The following ASAP2 variants were observed in gnomAD, a reference collection of about 807,000 sequenced individuals.
The protein encoded by ASAP2 is arf-GAP with SH3 domain, ANK repeat and PH domain-containing protein 2.
ASAP2 carries 45 observed loss-of-function variants against 131.4 expected under a neutral mutation model. That is an observed-to-expected ratio of 0.34 (90% CI 0.27 to 0.44). The LOEUF is 0.44. ASAP2 is among the 20% of genes least tolerant of loss of function. ASAP2 has a pLI of 1.00. For missense variants in ASAP2, 1,011 were observed against 1,297.0 expected, an observed-to-expected ratio of 0.78 and a Z score of 3.39; for synonymous variants, 510 against 503.0, an observed-to-expected ratio of 1.01 and a Z score of -0.19.
At chr2:9,334,201 G>GTTTTTTTT (rs111579113) in intron 7 of ASAP2, among the ~76,000 whole-genome samples, 1 of 129,490 alleles carries the variant, frequency 7.7e-6, no homozygotes, top group Non-Finnish European at 1.6e-5. Flanking sequence ...TTTTGTATTT[G>GTTTTTTTT]TTTTTTTTTT....
Position 9,395,670 on chromosome 2 carries a change from C to T in ASAP2, c.2684+2023C>T, listed in dbSNP as rs1475198644. ...TCGCCCAGGCTGGAGTGCGGTGGCG[C>T]GATCTTGGCTCACTGCAAGTTCCGC... On this transcript the variant is annotated intron_variant, in intron 24 of 27. Transcript: ENST00000281419. Among the ~76,000 whole-genome samples the T allele has an allele frequency of 1.5e-4, 19 of 123,234 alleles. No homozygotes were observed. The East Asian group carries it at 2.5e-3, about 16-fold the overall frequency. 80.8% of individuals were successfully genotyped at this position (123,234 alleles called of 152,430 possible).
chr2:9,380,667 T>A, intron 19 of ASAP2, 74 bp from the exon 20 acceptor site: 1 of 1,412,512 alleles, frequency 7.1e-7, no homozygotes, highest in Non-Finnish European at 1.0e-6. Context: ...CTGTTCCTTT[T>A]AAAAATTGTC....
intron 15 of ASAP2, among the ~76,000 whole-genome samples, chr2:9,361,974 CGTGTGTGTGTGTGTGTGTGTGTGT>C (rs70948815): frequency 7.0e-5 from 10 of 143,172 alleles, no homozygotes; most frequent in Admixed American, 3.5e-4. Flanking sequence ...TCTTTCTCTG[CGTGTGTGTGTGTGTGTGTGTGTGT>C]GTGTGTGTGT....
At position 9,223,391 on chromosome 2, in the gene ASAP2, C is replaced by G. The variant is rs139023855; in HGVS notation, c.126+16161C>G. ...TATGAACCTTCTTGGATCCTTCAAGCATCTGTATACTAAGCCAGTAAGGCC... is the reference window on the plus strand; with the variant it reads ...TATGAACCTTCTTGGATCCTTCAAGGATCTGTATACTAAGCCAGTAAGGCC... On this transcript the variant is annotated intron_variant, in intron 1 of 27. Coordinates refer to ENST00000281419, the MANE Select transcript of ASAP2 (RefSeq NM_003887.3). 2.2e-3 allele frequency among the ~76,000 whole-genome samples: 338 copies of G among 152,318 alleles called. 7 individuals carry two copies. The East Asian group carries it at 0.026, about 12-fold the overall frequency.
intron 1 of ASAP2, among the ~76,000 whole-genome samples, chr2:9,254,554 A>G (rs1266058655): frequency 6.4e-5 from 4 of 62,440 alleles, no homozygotes; most frequent in African/African-American, 1.6e-4. Context: ...TTTTTTTTTT[A>G]GTAGAGACGG....
chr2:9,398,009 C>T (rs1347754127), intron 24 of ASAP2, among the ~76,000 whole-genome samples: 3 of 151,364 alleles, frequency 2.0e-5, no homozygotes, highest in East Asian at 2.0e-4. Context: ...CCGCCCGCCT[C>T]GGCCTCCCAA....
At chr2:9,294,961 C>G (rs1387640351) in intron 2 of ASAP2, among the ~76,000 whole-genome samples, 1 of 152,200 alleles carries the variant, frequency 6.6e-6, no homozygotes, top group South Asian at 2.1e-4. Context: ...CTGTGGCCAC[C>G]AGCCCCCTTC....
At chr2:9,209,000 A>AC (rs59862328) in intron 1 of ASAP2, among the ~76,000 whole-genome samples, 38,312 of 152,096 alleles carry the variant, frequency 0.25, 5,160 homozygotes, top group Non-Finnish European at 0.29. Context: ...AAATTGGCAT[A>AC]CCTTTCTCTG....
intron 7 of ASAP2, among the ~76,000 whole-genome samples, chr2:9,329,565 ACT>A (rs1175589489): frequency 6.6e-6 from 1 of 152,108 alleles, no homozygotes; most frequent in Non-Finnish European, 1.5e-5. Context: ...TAACAAGATT[ACT>A]CTGTGTGTTG....
chr2:9,396,400 C>T (rs543076722), intron 24 of ASAP2, among the ~76,000 whole-genome samples: 1 of 152,112 alleles, frequency 6.6e-6, no homozygotes, highest in East Asian at 1.9e-4. Context: ...TCAGCCTCCG[C>T]ATAGCTGGGA....
chr2:9,305,558 T>G (rs1264753552), intron 3 of ASAP2, among the ~76,000 whole-genome samples: 1 of 129,986 alleles, frequency 7.7e-6, no homozygotes, highest in African/African-American at 3.0e-5. Context: ...CAGATATTGG[T>G]GGAGGGGCTG....
intron 1 of ASAP2, among the ~76,000 whole-genome samples, chr2:9,221,401 A>G (rs552074575): frequency 1.3e-5 from 2 of 149,446 alleles, no homozygotes; most frequent in Non-Finnish European, 3.0e-5. Context: ...GGCTCACTGC[A>G]ACATTGGCCT....
intron 27 of ASAP2, among the ~76,000 whole-genome samples, 154 bp downstream of exon 27, chr2:9,401,550 C>T (rs1289111669): frequency 6.6e-6 from 1 of 152,180 alleles, no homozygotes; most frequent in East Asian, 1.9e-4. Context: ...TCAGGAGCTG[C>T]TTCCTCCATG....
At chr2:9,255,212 C>T (rs892010758) in intron 1 of ASAP2, among the ~76,000 whole-genome samples, 1 of 152,298 alleles carries the variant, frequency 6.6e-6, no homozygotes, top group Non-Finnish European at 1.5e-5. Context: ...TGTTATGTGT[C>T]TATACTTGTA....
At chr2:9,322,511 A>C (rs759383109) in intron 5 of ASAP2, among the ~76,000 whole-genome samples, 34 of 147,838 alleles carry the variant, frequency 2.3e-4, no homozygotes, top group Non-Finnish European at 4.6e-4. Context: ...CCACCTTAGC[A>C]GCCACGATTA....
chr2:9,337,569 A>C (rs1671294124), intron 9 of ASAP2, among the ~76,000 whole-genome samples: 1 of 152,216 alleles, frequency 6.6e-6, no homozygotes, highest in Non-Finnish European at 1.5e-5. Context: ...GATAGAAATT[A>C]AGTAACATGC....
At chr2:9,272,572 AT>A (rs1388042268) in intron 1 of ASAP2, among the ~76,000 whole-genome samples, 1 of 152,106 alleles carries the variant, frequency 6.6e-6, no homozygotes, top group African/African-American at 2.4e-5. Context: ...ATATGATCCC[AT>A]TTATCTGTTT....
At chr2:9,393,459 A>G (rs897990442) in intron 23 of ASAP2, 23 bp from the exon 24 acceptor site, 1 of 1,584,056 alleles carries the variant, frequency 6.3e-7, no homozygotes, top group African/African-American at 1.3e-5. Flanking sequence ...GACCCTCTGC[A>G]CGTCTCTCCC....
At chr2:9,335,065 G>A (rs771481183) in intron 8 of ASAP2, 28 bp from the exon 9 acceptor site, 11 of 1,604,114 alleles carry the variant, frequency 6.9e-6, no homozygotes, top group Admixed American at 3.3e-5. Flanking sequence ...TTTCTGATTG[G>A]TTCTGTTGTG....
Sources: gnomAD v4.1 joint callset for allele counts (sites outside exome capture counted in the v4.1 genomes callset) on GRCh38, gnomAD v4.1.1 for gene constraint, MANE v1.5 for transcripts, NCBI Gene and HGNC (gene_info 2026-07-23, HGNC 2026-07-21) for gene names.